The following WNT4 variants were observed in gnomAD, a reference collection of about 807,000 sequenced individuals.
The protein encoded by WNT4 is Wnt family member 4.
A neutral mutation model predicts 34.5 loss-of-function variants in WNT4; 16 were observed. That is an observed-to-expected ratio of 0.46 (90% CI 0.31 to 0.70). The LOEUF (loss-of-function observed/expected upper bound fraction) is 0.70. Among genes scored for constraint, WNT4 ranks in the 30% least tolerant of loss-of-function variants. The pLI, the probability that WNT4 is intolerant of heterozygous loss-of-function variation, is 0.04. For missense variants in WNT4, 379 were observed against 495.9 expected, an observed-to-expected ratio of 0.76 and a Z score of 2.24; for synonymous variants, 200 against 211.9, an observed-to-expected ratio of 0.94 and a Z score of 0.49.
rs751589828 is a variant in WNT4, at chr1:22,137,267, G to C, written c.77+5579C>G. ...GGGGGAGCTGGTGGGGTCACGGCAGGGAGCGAGCCGTCCCGAGTTTGGCTG... is the reference window on the plus strand; with the variant it reads ...GGGGGAGCTGGTGGGGTCACGGCAGCGAGCGAGCCGTCCCGAGTTTGGCTG... On this transcript the variant is annotated intron_variant, in intron 1 of 4. Coordinates refer to ENST00000290167, the MANE Select transcript of WNT4 (RefSeq NM_030761.5). The surrounding 1 kb of genome is among the most constrained non-coding windows in gnomAD (Gnocchi z 5.3). Among the ~76,000 whole-genome samples, 2 of 152,194 alleles carry C rather than the reference G, an allele frequency of 1.3e-5. No homozygotes were observed. The highest frequency in any genetic ancestry group is 2.4e-5 in the African/African-American group (1 of 41,448).
intron 1 of WNT4, among the ~76,000 whole-genome samples, chr1:22,133,761 A>C (rs1472233331): frequency 6.6e-6 from 1 of 152,156 alleles, no homozygotes; most frequent in African/African-American, 2.4e-5. Context: ...CAGCCAGCTC[A>C]TGCCCTGATC....
In WNT4 at chr1:22,118,592, ACACTGCTGAGACCT is replaced by A. The variant is rs1381112272; in HGVS notation, c.*1444_*1457del. 1 of 152,364 alleles carries A rather than the reference ACACTGCTGAGACCT, an allele frequency of 6.6e-6. No individual in the cohort carries two copies. Among genetic ancestry groups the A allele is most frequent in the East Asian group, 1.9e-4 (1 of 5,206 alleles). The allele number at this position is 152,364 out of a possible 1,614,324, so 9.4% of individuals were successfully genotyped here. A position where few individuals can be genotyped will look rare whatever the true frequency, so the allele number is the denominator to read the frequency against. ...CGGATGTGCTGGGGAGGGGTGCACC[ACACTGCTGAGACCT>A]CACTGTCAGCCTTCCAGCTGTTCAC... On this transcript the variant is annotated 3_prime_UTR_variant, in exon 5 of 5. Coordinates refer to ENST00000290167, the MANE Select transcript of WNT4 (RefSeq NM_030761.5).
rs1036239621 is a variant in WNT4 at position 22,119,797 on chromosome 1, G to A, written c.*253C>T. Reference sequence around the variant, plus strand: ...ACTGAGTGGTCAGTGGCAGCCACATGCGGGCAGCCAGCGGCACGAGCAAGG... The same window carrying A: ...ACTGAGTGGTCAGTGGCAGCCACATACGGGCAGCCAGCGGCACGAGCAAGG... On this transcript the variant is annotated 3_prime_UTR_variant, in exon 5 of 5. Coordinates refer to ENST00000290167, the MANE Select transcript of WNT4 (RefSeq NM_030761.5). 32 of 576,890 alleles carry A rather than the reference G, an allele frequency of 5.5e-5. No homozygotes were observed. Among genetic ancestry groups the A allele is most frequent in the East Asian group, 3.8e-4 (13 of 34,256 alleles). The allele number at this position is 576,890 out of a possible 1,614,324, so 35.7% of individuals were successfully genotyped here.
chr1:22,138,651 A>C (rs1646041434), intron 1 of WNT4, among the ~76,000 whole-genome samples: 1 of 152,174 alleles, frequency 6.6e-6, no homozygotes, highest in South Asian at 2.1e-4. Context: ...AGAGCCACGG[A>C]GGAGCTCTAA....
intron 1 of WNT4, among the ~76,000 whole-genome samples, chr1:22,136,894 G>T (rs1646026742): frequency 6.6e-6 from 1 of 152,200 alleles, no homozygotes; most frequent in Non-Finnish European, 1.5e-5. Flanking sequence ...ACCCGACTCA[G>T]GAGGGGCTAT....
At chr1:22,122,505 G>C (rs1007170183) in intron 2 of WNT4, among the ~76,000 whole-genome samples, 5 of 152,134 alleles carry the variant, frequency 3.3e-5, no homozygotes, top group African/African-American at 1.2e-4. Flanking sequence ...AGCTGTTGTG[G>C]ACTCTCTTTC....
chr1:22,135,643 C>T (rs900736091), intron 1 of WNT4, among the ~76,000 whole-genome samples: 1 of 152,138 alleles, frequency 6.6e-6, no homozygotes, highest in Non-Finnish European at 1.5e-5. Context: ...GTCTCTGTAG[C>T]TGTTGGGGCC....
At chr1:22,127,324 G>T (rs1420958937) in intron 2 of WNT4, 2 of 530,824 alleles carry the variant, frequency 3.8e-6, no homozygotes, top group African/African-American at 3.9e-5. Context: ...TCCCCCAAAG[G>T]TAAGGAGGGC....
intron 2 of WNT4, among the ~76,000 whole-genome samples, chr1:22,123,661 A>G (rs1645919208): frequency 6.6e-6 from 1 of 152,184 alleles, no homozygotes; most frequent in Non-Finnish European, 1.5e-5. Context: ...CTTGTCCAAC[A>G]ATACCCAGCC....
chr1:22,135,597 G>T (rs1646015890), intron 1 of WNT4, among the ~76,000 whole-genome samples: 1 of 152,164 alleles, frequency 6.6e-6, no homozygotes, highest in African/African-American at 2.4e-5. Context: ...ATGTCTGGGT[G>T]GTTACGGGAC....
chr1:22,136,231 G>T (rs1051940708), intron 1 of WNT4, among the ~76,000 whole-genome samples: 1 of 152,146 alleles, frequency 6.6e-6, no homozygotes, highest in Admixed American at 6.5e-5. Flanking sequence ...TGTGTTGTTG[G>T]GGGGAGTGGG....
At chr1:22,131,887 G>A (rs180701218) in intron 1 of WNT4, among the ~76,000 whole-genome samples, 1 of 152,320 alleles carries the variant, frequency 6.6e-6, no homozygotes, top group African/African-American at 2.4e-5. Context: ...GTCCTGACAA[G>A]GCCCAGGCAG....
chr1:22,136,565 A>T (rs1262583796), intron 1 of WNT4, among the ~76,000 whole-genome samples: 4 of 151,902 alleles, frequency 2.6e-5, no homozygotes, highest in African/African-American at 9.7e-5. Flanking sequence ...CCCTACTCCC[A>T]CCCCCACCAG....
At chr1:22,141,655 C>A (rs1350906429) in intron 1 of WNT4, among the ~76,000 whole-genome samples, 1 of 152,216 alleles carries the variant, frequency 6.6e-6, no homozygotes, top group African/African-American at 2.4e-5. Context: ...TCACCTCCGT[C>A]CCCCAAGCCC....
At chr1:22,129,876 C>T in intron 1 of WNT4, 25 bp from the exon 2 acceptor site, 1 of 1,610,984 alleles carries the variant, frequency 6.2e-7, no homozygotes, top group Non-Finnish European at 8.5e-7. Flanking sequence ...ACACGTGATG[C>T]AGAGCCCACC....
Position 22,131,522 on chromosome 1 carries a change from GTCC to G in WNT4, c.78-1674_78-1672del, listed in dbSNP as rs559967981. Among the ~76,000 whole-genome samples the G allele has an allele frequency of 9.9e-4, 151 of 152,304 alleles. 1 individual carries two copies. The highest frequency in any genetic ancestry group is 2.5e-3 in the South Asian group (12 of 4,832). On this transcript the variant is annotated intron_variant, in intron 1 of 4. Coordinates refer to ENST00000290167, the MANE Select transcript of WNT4 (RefSeq NM_030761.5). ...GGAGCTCTGACTCAGGGATGCCACT[GTCC>G]TCCTCACTGTGGCATTGATCCCCAG...
chr1:22,132,790 G>A (rs1180560497), intron 1 of WNT4, among the ~76,000 whole-genome samples: 2 of 152,078 alleles, frequency 1.3e-5, no homozygotes, highest in Non-Finnish European at 2.9e-5. Flanking sequence ...CCCAGCCCCT[G>A]CCTTCATCTG....
At chr1:22,125,222 G>A (rs149730061) in intron 2 of WNT4, among the ~76,000 whole-genome samples, 1,994 of 152,062 alleles carry the variant, frequency 0.013, 16 homozygotes, top group Non-Finnish European at 0.019. Context: ...TGCCCCATGC[G>A]GTCAGAATCA....
At chr1:22,135,170 G>A (rs1646012654) in intron 1 of WNT4, among the ~76,000 whole-genome samples, 2 of 152,324 alleles carry the variant, frequency 1.3e-5, no homozygotes, top group South Asian at 2.1e-4. Flanking sequence ...GCTCAGGAGT[G>A]TCAAGGGGAC....
Sources: allele counts gnomAD v4.1 joint callset (sites outside exome capture counted in the v4.1 genomes callset), GRCh38; gene constraint gnomAD v4.1.1; non-coding constraint Gnocchi (gnomAD v3.1); transcripts MANE v1.5; gene names NCBI Gene and HGNC (gene_info 2026-07-23, HGNC 2026-07-21).